The following PCDHGB5 variants were observed in gnomAD, a reference collection of about 807,000 sequenced individuals.
PCDHGB5 encodes protocadherin gamma subfamily B, 5.
Under a neutral mutation model 62.9 loss-of-function variants are expected in PCDHGB5, and 48 were observed. The observed-to-expected ratio is 0.76, with a 90% CI of 0.61 to 0.97. The LOEUF is 0.97. Ranked by LOEUF, PCDHGB5 falls within the 50% of genes least tolerant of loss-of-function variation. PCDHGB5 has a pLI of 0.00. For synonymous variants in PCDHGB5, 474 were observed against 511.2 expected (o/e 0.93, Z 0.98); for missense variants, 1,118 against 1,198.6 (o/e 0.93, Z 0.99).
rs545261528 is a variant in PCDHGB5 at position 141,404,038 on chromosome 5, G to C, written c.2397+3514G>C. 4.3e-6 allele frequency: 7 copies of C among 1,613,858 alleles called. No individual in the cohort carries two copies. The African/African-American group carries it at 8.0e-5, about 18-fold the overall frequency. ...GCCCAGTGAGAGAAGACGCACCTCA[G>C]GGAACAGTAATTCTTCTTTTCAATG... On this transcript the variant is annotated intron_variant, in intron 1 of 3. Coordinates refer to ENST00000617380, the MANE Select transcript of PCDHGB5 (RefSeq NM_018925.3).
At chr5:141,509,015 C>G (rs1370464396) in intron 3 of PCDHGB5, among the ~76,000 whole-genome samples, 2 of 152,098 alleles carry the variant, frequency 1.3e-5, no homozygotes, top group African/African-American at 4.8e-5. Context: ...AAGTGGGCAG[C>G]TGCTCCCTCC....
Position 141,400,232 on chromosome 5 carries a change from C to T in PCDHGB5, c.2105C>T (p.Ala702Val), listed in dbSNP as rs2093984634. The T allele has an allele frequency of 6.2e-7, 1 of 1,614,032 alleles. No homozygotes were observed. ...TTGATCTCAGTGCTCTTCCTCCTGG[C>T]CGTGATTCTGGCCGTTGCCTTGCGC... is the stretch of plus-strand genomic sequence containing the variant. ...LALISVLFLLAVILAVALRLR... is the reference protein window; with the variant it reads ...LALISVLFLLVVILAVALRLR... The change falls in exon 1 of 4, where the codon GCC (alanine) becomes GTC (valine). Residue 702 changes from alanine (A) to valine (V), a missense_variant. Coordinates refer to ENST00000617380, the MANE Select transcript of PCDHGB5 (RefSeq NM_018925.3).
chr5:141,422,997 C>G, intron 1 of PCDHGB5: 1 of 1,614,218 alleles, frequency 6.2e-7, no homozygotes, highest in South Asian at 1.1e-5. Flanking sequence ...ACCTGGTGAC[C>G]AAGGTGGTTG....
At chr5:141,406,544 T>A (rs1254762260) in intron 1 of PCDHGB5, among the ~76,000 whole-genome samples, 1 of 152,222 alleles carries the variant, frequency 6.6e-6, no homozygotes, top group Non-Finnish European at 1.5e-5. Context: ...AGATTCAAAC[T>A]TCAGTTATCC....
intron 1 of PCDHGB5, chr5:141,421,154 G>A: frequency 8.7e-7 from 1 of 1,151,318 alleles, no homozygotes; most frequent in South Asian, 1.6e-5. Flanking sequence ...GTCGGCCTAG[G>A]ACTTCATAGA....
chr5:141,468,815 A>G (rs866523229), intron 1 of PCDHGB5, among the ~76,000 whole-genome samples: 7 of 151,958 alleles, frequency 4.6e-5, no homozygotes, highest in Middle Eastern at 3.4e-3. Context: ...GCAGTGAGCC[A>G]AGATCAAGCC....
rs1284287216 is a variant in PCDHGB5 at position 141,398,423 on chromosome 5, A to C, written c.296A>C (p.Lys99Thr). Residue 99 changes from lysine to threonine, a missense_variant, in exon 1 of 4, where the codon AAG (lysine) becomes ACG (threonine). Physicochemically the swap from Lys to Thr is moderately conservative, Grantham distance 78 (BLOSUM62 -1). This residue lies in a region of PCDHGB5 where 84 missense variants were observed against 169.5 expected (regional missense o/e 0.50). Transcript: ENST00000617380. ...RLDREEICGKKPACALEFEAV... is the reference protein window; with the variant it reads ...RLDREEICGKTPACALEFEAV... ...GACAGGGAGGAGATATGCGGGAAGA[A>C]GCCAGCTTGTGCTCTGGAATTTGAG... 2.0e-6 allele frequency: 3 copies of C among 1,514,696 alleles called. No individual in the cohort carries two copies. In the South Asian group the frequency reaches 3.4e-5, roughly 17 times the overall value. The allele number at this position is 1,514,696 out of a possible 1,614,324, so 93.8% of individuals were successfully genotyped here.
chr5:141,401,467 G>A (rs1248119954), intron 1 of PCDHGB5, among the ~76,000 whole-genome samples: 1 of 152,196 alleles, frequency 6.6e-6, no homozygotes, highest in Non-Finnish European at 1.5e-5. Context: ...AATTTTCTAA[G>A]TTTATCCAGG....
chr5:141,413,445 C>A (rs764464917), intron 1 of PCDHGB5: 1 of 1,613,986 alleles, frequency 6.2e-7, no homozygotes, highest in Admixed American at 1.7e-5. Flanking sequence ...GCTTGATCAC[C>A]GCGGGCAGGA....
chr5:141,420,188 A>G (rs775537913), intron 1 of PCDHGB5: 1 of 1,613,848 alleles, frequency 6.2e-7, no homozygotes, highest in South Asian at 1.1e-5. Context: ...TTGTCCAGCC[A>G]CACAAGATAA....
Position 141,491,758 on chromosome 5 carries a change from C to A in PCDHGB5, c.2398-3049C>A. The stretch of plus-strand genomic sequence containing the variant: ...TGGGGGCGGCACTGGAGAAGCCGCC[C>A]GTCCTCATAAGGGATTGAACTTGCA... On this transcript the variant is annotated intron_variant, in intron 1 of 3. Coordinates refer to ENST00000617380, the MANE Select transcript of PCDHGB5 (RefSeq NM_018925.3). This position sits in a 1 kb window ranked among gnomAD's most constrained non-coding sequence, Gnocchi z 6.9. 6.3e-7 allele frequency: 1 copy of A among 1,578,788 alleles called. No homozygotes were observed. Among genetic ancestry groups the A allele is most frequent in the Non-Finnish European group, 8.6e-7 (1 of 1,163,522 alleles).
At chr5:141,415,014 C>G (rs747951360) in intron 1 of PCDHGB5, 1 of 1,613,502 alleles carries the variant, frequency 6.2e-7, no homozygotes, top group African/African-American at 1.3e-5. Flanking sequence ...ACCGTCTGCT[C>G]AAGGCCAGCG....
At chr5:141,409,707 C>T in intron 1 of PCDHGB5, 1 of 1,613,248 alleles carries the variant, frequency 6.2e-7, no homozygotes, top group Non-Finnish European at 8.5e-7. Flanking sequence ...CTGGCGGTGT[C>T]GTCATACGTG....
At position 141,494,788 on chromosome 5, in the gene PCDHGB5, C is replaced by T. The variant is rs2099756942; in HGVS notation, c.2398-19C>T. The T allele has an allele frequency of 6.2e-7, 1 of 1,614,116 alleles. No homozygotes were observed. The highest frequency in any genetic ancestry group is 8.5e-7 in the Non-Finnish European group (1 of 1,180,000). On this transcript the variant is annotated intron_variant, in intron 1 of 3. Transcript: ENST00000617380. ...CTTCTCACGGGTACTCAGCCCCTTTCCCTCTGTTTTCTCCACAGCAAGCCC... is the reference window on the plus strand; with the variant it reads ...CTTCTCACGGGTACTCAGCCCCTTTTCCTCTGTTTTCTCCACAGCAAGCCC...
chr5:141,492,037 C>A (rs556842734), intron 1 of PCDHGB5: 94 of 538,798 alleles, frequency 1.7e-4, no homozygotes, highest in Non-Finnish European at 2.5e-4. Flanking sequence ...AGGAGGCAGT[C>A]ACAGATCCAC....
chr5:141,417,699 C>G, intron 1 of PCDHGB5: 1 of 1,164,548 alleles, frequency 8.6e-7, no homozygotes. Context: ...AACCAGCTCC[C>G]ACACAGAGGC....
chr5:141,421,174 C>T (rs2096550677), intron 1 of PCDHGB5: 2 of 1,378,742 alleles, frequency 1.5e-6, no homozygotes, highest in Non-Finnish European at 1.9e-6. Flanking sequence ...ATACATAAGC[C>T]GATTCACAAC....
At chr5:141,483,648 T>TTGTGTGTGTG (rs111458813) in intron 1 of PCDHGB5, among the ~76,000 whole-genome samples, 23 of 149,708 alleles carry the variant, frequency 1.5e-4, no homozygotes, top group African/African-American at 3.9e-4. Context: ...GGGTGTGTGT[T>TTGTGTGTGTG]TGTGTGTGTG....
intron 1 of PCDHGB5, chr5:141,430,844 A>C: frequency 6.4e-7 from 1 of 1,571,464 alleles, no homozygotes; most frequent in Non-Finnish European, 8.6e-7. Flanking sequence ...GACCGGATGC[A>C]CCCAGATACG....
Sources: gnomAD v4.1 joint callset for allele counts (sites outside exome capture counted in the v4.1 genomes callset) on GRCh38, gnomAD v4.1.1 for gene constraint, gnomAD v4.1.1 regional missense constraint, Gnocchi (gnomAD v3.1) non-coding constraint, MANE v1.5 for transcripts, NCBI Gene and HGNC (gene_info 2026-07-23, HGNC 2026-07-21) for gene names.